The following KAZN variants were observed in gnomAD, a reference collection of about 807,000 sequenced individuals.
KAZN encodes kazrin.
In KAZN, 40 loss-of-function variants were observed where a neutral mutation model predicts 87.4. The ratio of observed to expected loss-of-function variants is 0.46; its 90% CI spans 0.36 to 0.60. KAZN has a LOEUF of 0.60. Among genes scored for constraint, KAZN ranks in the 20% least tolerant of loss-of-function variants. The probability of loss-of-function intolerance (pLI) is 0.00; values close to 1 mark genes in which losing one functional copy is unlikely to be tolerated. For missense variants in KAZN, 898 were observed against 1,073.9 expected (o/e 0.84, Z 2.29); for synonymous variants, 466 against 458.3 (o/e 1.02, Z -0.22).
chr1:13,893,849 G>A, intron 1 of KAZN: 13 of 1,396,238 alleles, frequency 9.3e-6, no homozygotes, highest in South Asian at 1.4e-5. Context: ...GTGTCTGTGT[G>A]TCTGTCAGTC....
chr1:14,459,567 C>G (rs1244792078), intron 2 of KAZN, among the ~76,000 whole-genome samples: 2 of 152,170 alleles, frequency 1.3e-5, no homozygotes, highest in Non-Finnish European at 2.9e-5. Context: ...GATTCTGAGG[C>G]TGGGTTCCAG....
chr1:14,690,497 G>A (rs1641223211), intron 1 of KAZN, among the ~76,000 whole-genome samples: 1 of 152,108 alleles, frequency 6.6e-6, no homozygotes, highest in African/African-American at 2.4e-5. Flanking sequence ...CAAAACAATC[G>A]GTGGTTCACA....
At chr1:14,077,300 C>G (rs138883027) in intron 1 of KAZN, among the ~76,000 whole-genome samples, 139 of 152,254 alleles carry the variant, frequency 9.1e-4, no homozygotes, top group African/African-American at 2.8e-3. Context: ...CTAAAAATGT[C>G]TTCTGCAAAA....
chr1:14,570,697 C>T (rs1315607638), intron 2 of KAZN, among the ~76,000 whole-genome samples: 1 of 152,128 alleles, frequency 6.6e-6, no homozygotes. Context: ...GAATATTCAT[C>T]GACGAGTGTT....
At chr1:14,017,610 A>G (rs1221617678) in intron 1 of KAZN, among the ~76,000 whole-genome samples, 1 of 152,194 alleles carries the variant, frequency 6.6e-6, no homozygotes, top group Non-Finnish European at 1.5e-5. Context: ...GTATTCCATT[A>G]CACCCCAATG....
At chr1:14,144,314 G>C (rs10928034) in intron 1 of KAZN, among the ~76,000 whole-genome samples, 90,973 of 151,984 alleles carry the variant, frequency 0.6, 27,851 homozygotes, top group Admixed American at 0.71. Flanking sequence ...TTTGTTTATT[G>C]CCTGACTTTG....
intron 2 of KAZN, among the ~76,000 whole-genome samples, chr1:14,999,513 G>A (rs1171155958): frequency 6.4e-4 from 31 of 48,494 alleles, no homozygotes; most frequent in African/African-American, 2.8e-3. Context: ...CCCCCGCCCC[G>A]CCATCCAGAC....
chr1:14,985,100 C>T (rs1269931138), intron 2 of KAZN, among the ~76,000 whole-genome samples: 5 of 150,374 alleles, frequency 3.3e-5, no homozygotes, highest in Non-Finnish European at 5.9e-5. Context: ...CATGCCACTG[C>T]ACTCCAGCCT....
chr1:14,927,005 T>A (rs1286045713), intron 1 of KAZN, among the ~76,000 whole-genome samples: 1 of 152,138 alleles, frequency 6.6e-6, no homozygotes, highest in Non-Finnish European at 1.5e-5. Context: ...CCTGTGATGG[T>A]GACAGCTCTG....
chr1:15,090,417 A>G (rs1021667133), intron 8 of KAZN, among the ~76,000 whole-genome samples: 25 of 152,156 alleles, frequency 1.6e-4, no homozygotes, highest in African/African-American at 4.3e-4. Flanking sequence ...TCCAATCCCT[A>G]TAGAATTTGG....
chr1:14,784,439 AG>A lies in KAZN; in HGVS notation c.227-176243del, dbSNP rs1645444408. On this transcript the variant is annotated intron_variant, in intron 1 of 14. Transcript: ENST00000376030. ...ACCCTCCTCCTCTCTCCCTGCATTA[AG>A]GTGTGGCACCATAAGCAGCACCCAA... Among the ~76,000 whole-genome samples, 5 of 152,212 alleles carry A rather than the reference AG, an allele frequency of 3.3e-5. No individual in the cohort carries two copies. In the South Asian group the frequency reaches 1.0e-3, roughly 32 times the overall value.
chr1:14,403,933 G>A lies in KAZN; in HGVS notation c.250-195050G>A, dbSNP rs200909002. ...CAAAAGAAAAAGAAGAGGTCTCTGC[G>A]CAGAGAGGTCCCGGAGAAAATGGGT... On this transcript the variant is annotated intron_variant, in intron 2 of 16. Transcript: ENST00000636203. Among the ~76,000 whole-genome samples, 22 of 76,062 alleles carry A rather than the reference G, an allele frequency of 2.9e-4. No homozygotes were observed. In the East Asian group the frequency reaches 4.7e-3, roughly 16 times the overall value. 49.9% of individuals were successfully genotyped at this position (76,062 alleles called of 152,430 possible). A position where few individuals can be genotyped will look rare whatever the true frequency, so the allele number is the denominator to read the frequency against.
chr1:14,513,507 G>A (rs1346725357), intron 2 of KAZN, among the ~76,000 whole-genome samples: 5 of 152,116 alleles, frequency 3.3e-5, no homozygotes, highest in Non-Finnish European at 7.4e-5. Flanking sequence ...GCTAAAGAAC[G>A]GGGAATCTCT....
rs187104626 is a variant in KAZN at position 14,092,371 on chromosome 1, G to A, written c.92-88064G>A. Among the ~76,000 whole-genome samples the A allele has an allele frequency of 2.7e-3, 407 of 150,692 alleles. 2 individuals carry two copies. The highest frequency in any genetic ancestry group is 9.1e-3 in the African/African-American group (375 of 41,276). ...CTCCCAAAGTGCTGGGATTATAGGC[G>A]TGAGCCACCGTGCCCGGCCTATTAT... is the stretch of plus-strand genomic sequence containing the variant. On this transcript the variant is annotated intron_variant, in intron 1 of 16. Transcript: ENST00000636203.
In KAZN at chr1:14,883,344, A is replaced by AGAGAGAGAGAGAGAG. The variant is rs1557586164; in HGVS notation, c.227-77340_227-77339insGAGAGAGAGAGAGAG. Among the ~76,000 whole-genome samples, 106 of 29,676 alleles carry AGAGAGAGAGAGAGAG rather than the reference A, an allele frequency of 3.6e-3. 20 individuals are homozygous for AGAGAGAGAGAGAGAG. The highest frequency in any genetic ancestry group is 0.017 in the Middle Eastern group (1 of 60). 19.5% of individuals were successfully genotyped at this position (29,676 alleles called of 152,430 possible). On this transcript the variant is annotated intron_variant, in intron 1 of 14. Coordinates refer to ENST00000376030, the MANE Select transcript of KAZN (RefSeq NM_201628.3). ...AGAGAGAGAGAGAGAGAGAGAGAGA[A>AGAGAGAGAGAGAGAG]AGAAAGAAAGAAAAGAAAGAAAGAA...
intron 2 of KAZN, among the ~76,000 whole-genome samples, chr1:14,291,478 G>A (rs886595684): frequency 6.6e-6 from 1 of 152,180 alleles, no homozygotes; most frequent in African/African-American, 2.4e-5. Context: ...CATAGGCGTG[G>A]GACCTGCCGA....
chr1:14,312,947 C>T (rs1655403668), intron 2 of KAZN, among the ~76,000 whole-genome samples: 3 of 152,010 alleles, frequency 2.0e-5, no homozygotes, highest in Admixed American at 1.3e-4. Flanking sequence ...AACAGAGGAC[C>T]CAGTTAAGCT....
In KAZN at chr1:14,177,430, C is replaced by A. The variant is rs112865868; in HGVS notation, c.92-3005C>A. On this transcript the variant is annotated intron_variant, in intron 1 of 16. Transcript: ENST00000636203. ...TTCTGCCTCAAGTAACTTCTTTAAC[C>A]TTTCTTTTAGTGCAAATCTGCTGGT... Among the ~76,000 whole-genome samples the A allele has an allele frequency of 7.2e-3, 1,099 of 152,200 alleles. 18 individuals are homozygous for A. The highest frequency in any genetic ancestry group is 0.025 in the African/African-American group (1,043 of 41,526).
intron 1 of KAZN, among the ~76,000 whole-genome samples, chr1:14,656,800 C>T (rs1638821415): frequency 6.6e-6 from 1 of 152,248 alleles, no homozygotes. Flanking sequence ...ATCCAAGCAC[C>T]TGCCCACCAG....
Sources: gnomAD v4.1 joint callset for allele counts (sites outside exome capture counted in the v4.1 genomes callset) on GRCh38, gnomAD v4.1.1 for gene constraint, MANE v1.5 for transcripts, NCBI Gene and HGNC (gene_info 2026-07-23, HGNC 2026-07-21) for gene names.